Variants in DOCK3 observed in about 807,000 individuals in gnomAD.
DOCK3 encodes dedicator of cytokinesis 3, also known as dedicator of cytokinesis protein 3.
In DOCK3, 60 loss-of-function variants were observed where a neutral mutation model predicts 265.6. That is an observed-to-expected ratio of 0.23 (90% CI 0.18 to 0.28). The LOEUF is 0.28. DOCK3 is among the 10% of genes least tolerant of loss of function. DOCK3 has a pLI of 1.00. For missense variants in DOCK3, 1,981 were observed against 2,594.3 expected, an observed-to-expected ratio of 0.76 and a Z score of 5.14; for synonymous variants, 881 against 938.0, an observed-to-expected ratio of 0.94 and a Z score of 1.11.
intron 1 of DOCK3, among the ~76,000 whole-genome samples, chr3:50,754,662 C>T (rs532475087): frequency 2.7e-5 from 4 of 150,500 alleles, no homozygotes; most frequent in East Asian, 3.9e-4. Flanking sequence ...TGGTTTCAAG[C>T]GATTTTCCTG....
chr3:51,252,294 G>A (rs1489779539), intron 22 of DOCK3, among the ~76,000 whole-genome samples: 16 of 152,158 alleles, frequency 1.1e-4, no homozygotes, highest in East Asian at 3.8e-4. Context: ...GTCAGGTAGC[G>A]TGATGCCTCC....
intron 7 of DOCK3, among the ~76,000 whole-genome samples, chr3:51,077,562 T>C (rs1276419825): frequency 6.6e-6 from 1 of 152,146 alleles, no homozygotes; most frequent in African/African-American, 2.4e-5. Flanking sequence ...ATAGATTAAA[T>C]TGCCATGTGT....
chr3:50,754,561 T>C (rs1426479870), intron 1 of DOCK3, among the ~76,000 whole-genome samples: 1 of 150,434 alleles, frequency 6.6e-6, no homozygotes, highest in Non-Finnish European at 1.5e-5. Context: ...TTAACAACTT[T>C]TTTTTTTTTT....
chr3:50,953,743 A>T (rs2076654734), intron 5 of DOCK3, among the ~76,000 whole-genome samples: 1 of 152,078 alleles, frequency 6.6e-6, no homozygotes, highest in African/African-American at 2.4e-5. Flanking sequence ...CCTCACATTA[A>T]TTTTTGCAGA....
intron 1 of DOCK3, among the ~76,000 whole-genome samples, chr3:50,695,533 C>T (rs1234459072): frequency 1.3e-5 from 2 of 152,206 alleles, no homozygotes; most frequent in African/African-American, 4.8e-5. Context: ...CAATTAATAT[C>T]AGATGTAATC....
At chr3:51,162,715 G>A (rs1217974948) in intron 12 of DOCK3, among the ~76,000 whole-genome samples, 1 of 152,196 alleles carries the variant, frequency 6.6e-6, no homozygotes, top group African/African-American at 2.4e-5. Flanking sequence ...CATTCCTCCT[G>A]AAATCATGCT....
chr3:50,887,595 C>T (rs1283668790), intron 3 of DOCK3, among the ~76,000 whole-genome samples: 2 of 87,500 alleles, frequency 2.3e-5, no homozygotes, highest in African/African-American at 4.6e-5. Context: ...ACCTGATGAA[C>T]ATCGATGTGA....
chr3:51,208,947 G>A lies in DOCK3; in HGVS notation c.1126+85G>A, dbSNP rs192767721. ...CACTTAGATTGGTTGGTGCAGATTG[G>A]CTGCTGTATTCCCTACAGATATTTA... On this transcript the variant is annotated intron_variant, in intron 13 of 52. Transcript: ENST00000266037. 1.6e-3 allele frequency: 1,845 copies of A among 1,179,594 alleles called. 6 individuals carry two copies. Among genetic ancestry groups the A allele is most frequent in the Admixed American group, 3.6e-3 (175 of 49,030 alleles). 73.1% of individuals were successfully genotyped at this position (1,179,594 alleles called of 1,614,324 possible).
chr3:50,837,676 G>C (rs1275745308), intron 2 of DOCK3, among the ~76,000 whole-genome samples: 1 of 152,126 alleles, frequency 6.6e-6, no homozygotes, highest in East Asian at 1.9e-4. Flanking sequence ...TCTCTTCTGT[G>C]TATTTATATA....
chr3:51,080,429 G>A (rs1344857184), intron 7 of DOCK3, among the ~76,000 whole-genome samples: 2 of 152,150 alleles, frequency 1.3e-5, no homozygotes, highest in African/African-American at 4.8e-5. Context: ...GAGTTACGTA[G>A]CAAACATGGA....
intron 4 of DOCK3, among the ~76,000 whole-genome samples, chr3:50,914,467 T>G (rs2050017891): frequency 6.6e-6 from 1 of 152,176 alleles, no homozygotes; most frequent in Non-Finnish European, 1.5e-5. Flanking sequence ...TTGTTTATTC[T>G]GAAACATGTT....
At chr3:51,156,362 C>A (rs1454978642) in intron 10 of DOCK3, among the ~76,000 whole-genome samples, 4 of 152,178 alleles carry the variant, frequency 2.6e-5, no homozygotes, top group Non-Finnish European at 1.5e-5. Context: ...GTCCAGTGAA[C>A]AAATCTAATT....
chr3:50,773,874 A>G (rs1379422800), intron 1 of DOCK3, among the ~76,000 whole-genome samples: 3 of 152,078 alleles, frequency 2.0e-5, no homozygotes, highest in Non-Finnish European at 4.4e-5. Context: ...TTTCTTAACA[A>G]TTCCCAAGCC....
chr3:51,166,031 G>T (rs1489758446), intron 12 of DOCK3, among the ~76,000 whole-genome samples: 1 of 146,332 alleles, frequency 6.8e-6, no homozygotes, highest in Non-Finnish European at 1.5e-5. Context: ...TTTATTCAAA[G>T]AACTATATGT....
chr3:50,946,455 A>G (rs527956182), intron 5 of DOCK3, among the ~76,000 whole-genome samples: 1 of 152,350 alleles, frequency 6.6e-6, no homozygotes, highest in African/African-American at 2.4e-5. Context: ...TTTTGAAGAT[A>G]ACTTTTAGTG....
At chr3:51,201,005 A>T (rs569496744) in intron 12 of DOCK3, among the ~76,000 whole-genome samples, 3 of 152,284 alleles carry the variant, frequency 2.0e-5, no homozygotes, top group African/African-American at 7.2e-5. Context: ...GGCCTGCCCT[A>T]AAAGAGCTCC....
intron 3 of DOCK3, among the ~76,000 whole-genome samples, chr3:50,865,079 AT>A (rs2047079313): frequency 6.6e-6 from 1 of 152,076 alleles, no homozygotes; most frequent in African/African-American, 2.4e-5. Context: ...CAGGCATGCA[AT>A]GTGTAACAGT....
intron 27 of DOCK3, among the ~76,000 whole-genome samples, chr3:51,297,633 T>C (rs1418251226): frequency 6.6e-6 from 1 of 152,110 alleles, no homozygotes; most frequent in Non-Finnish European, 1.5e-5. Context: ...AAGATAGCAC[T>C]TCACACTGAG....
chr3:50,865,341 T>C (rs2047090384), intron 3 of DOCK3, among the ~76,000 whole-genome samples: 1 of 152,210 alleles, frequency 6.6e-6, no homozygotes, highest in Non-Finnish European at 1.5e-5. Flanking sequence ...TTCTACTCTC[T>C]GTCTCCATGA....
Sources: allele counts gnomAD v4.1 joint callset (sites outside exome capture counted in the v4.1 genomes callset), GRCh38; gene constraint gnomAD v4.1.1; transcripts MANE v1.5; gene names NCBI Gene and HGNC (gene_info 2026-07-23, HGNC 2026-07-21).